MYCBP2: variants seen among roughly 807,000 people sequenced by gnomAD.
MYCBP2 encodes E3 ubiquitin-protein ligase MYCBP2.
MYCBP2 carries 120 observed loss-of-function variants against 525.3 expected under a neutral mutation model. That is an observed-to-expected ratio of 0.23 (90% CI 0.20 to 0.27). The LOEUF (loss-of-function observed/expected upper bound fraction) is 0.27. MYCBP2 is among the 10% of genes least tolerant of loss of function. The probability of loss-of-function intolerance (pLI) is 1.00; values close to 1 mark genes in which losing one functional copy is unlikely to be tolerated. For missense variants in MYCBP2, 4,149 were observed against 5,657.1 expected (o/e 0.73, Z 8.55); for synonymous variants, 1,894 against 1,955.8 (o/e 0.97, Z 0.83).
chr13:77,083,416 TA>T lies in MYCBP2; in HGVS notation c.10876-225del, dbSNP rs1219538742. Among the ~76,000 whole-genome samples, 43 of 152,274 alleles carry T rather than the reference TA, an allele frequency of 2.8e-4. 1 individual carries two copies. Among genetic ancestry groups the T allele is most frequent in the Admixed American group, 2.7e-3 (42 of 15,286 alleles). ...CAAGCAAAATCAGCATGCAAATGAA[TA>T]AATGTATCAATTCTAGTGTACTCAC... On this transcript the variant is annotated intron_variant, in intron 62 of 82. Coordinates refer to ENST00000544440, the MANE Select transcript of MYCBP2 (RefSeq NM_015057.5).
chr13:77,231,393 G>A (rs1182805449), intron 18 of MYCBP2, among the ~76,000 whole-genome samples: 6 of 152,114 alleles, frequency 3.9e-5, no homozygotes, highest in African/African-American at 1.4e-4. Context: ...ACCACACTGG[G>A]CTTATTATTG....
At chr13:77,120,098 C>T (rs982870648) in intron 55 of MYCBP2, among the ~76,000 whole-genome samples, 8 of 151,978 alleles carry the variant, frequency 5.3e-5, no homozygotes, top group African/African-American at 1.9e-4. Context: ...TGAAAGCATA[C>T]AATTTGTGTT....
At chr13:77,068,414 A>AAAAAAAAAAAAAAAAAAAAT in intron 70 of MYCBP2, 151 bp downstream of exon 70, 9 of 844,664 alleles carry the variant, frequency 1.1e-5, no homozygotes, top group Non-Finnish European at 1.4e-5. Context: ...ACAGTAAAAA[A>AAAAAAAAAAAAAAAAAAAAT]GGGAGTAAAA....
At chr13:77,305,155 C>G (rs1485124440) in intron 1 of MYCBP2, among the ~76,000 whole-genome samples, 1 of 151,914 alleles carries the variant, frequency 6.6e-6, no homozygotes, top group Non-Finnish European at 1.5e-5. Context: ...GAAACATTTC[C>G]CAACTCATAA....
At chr13:77,247,794 C>T (rs1188556677) in intron 15 of MYCBP2, among the ~76,000 whole-genome samples, 1 of 151,990 alleles carries the variant, frequency 6.6e-6, no homozygotes, top group East Asian at 1.9e-4. Flanking sequence ...GACAAAGGAG[C>T]CAAGATGGTT....
intron 47 of MYCBP2, among the ~76,000 whole-genome samples, chr13:77,148,444 T>A (rs1328423795): frequency 6.6e-6 from 1 of 152,058 alleles, no homozygotes; most frequent in Non-Finnish European, 1.5e-5. Context: ...AAATGGCCTG[T>A]TCAGTTTTTT....
intron 55 of MYCBP2, among the ~76,000 whole-genome samples, chr13:77,118,113 T>C (rs1289542134): frequency 6.6e-6 from 1 of 152,202 alleles, no homozygotes; most frequent in East Asian, 1.9e-4. Context: ...TCCCTGTATG[T>C]GATGCTTACC....
intron 26 of MYCBP2, among the ~76,000 whole-genome samples, chr13:77,199,084 G>A (rs1200374634): frequency 6.6e-6 from 1 of 152,186 alleles, no homozygotes; most frequent in African/African-American, 2.4e-5. Context: ...CTCCCAGCGT[G>A]AGCAACACAG....
In MYCBP2 at chr13:77,243,840, T is replaced by A; in HGVS notation, c.2493A>T (p.Ala831=). ...QEARQRGILD[A]VKEMIPLDLL... is the part of the protein sequence containing the mutation. Reference sequence around the variant, plus strand: ...GATCTAAAGGTATCATTTCTTTCACTGCATCAAGAATTCCTCTTTGTCTTG... The same window carrying A: ...GATCTAAAGGTATCATTTCTTTCACAGCATCAAGAATTCCTCTTTGTCTTG... The change falls in exon 16 of 83, where the codon GCA becomes GCT. Residue 831 remains alanine (A), a synonymous_variant. Transcript: ENST00000544440. 1 of 1,613,848 alleles carries A rather than the reference T, an allele frequency of 6.2e-7. No individual in the cohort carries two copies. Among genetic ancestry groups the A allele is most frequent in the Non-Finnish European group, 8.5e-7 (1 of 1,179,936 alleles).
intron 21 of MYCBP2, among the ~76,000 whole-genome samples, chr13:77,216,120 T>A: frequency 6.6e-6 from 1 of 152,018 alleles, no homozygotes; most frequent in East Asian, 1.9e-4. Flanking sequence ...CTCCAAAAAA[T>A]GAAGGGGCAT....
chr13:77,114,632 C>T (rs1301129762), intron 55 of MYCBP2, among the ~76,000 whole-genome samples: 7 of 152,012 alleles, frequency 4.6e-5, no homozygotes, highest in Admixed American at 4.6e-4. Context: ...AATAGAAAAA[C>T]TCTTGTTGCA....
At chr13:77,317,339 T>C (rs936152988) in intron 1 of MYCBP2, among the ~76,000 whole-genome samples, 2 of 152,180 alleles carry the variant, frequency 1.3e-5, no homozygotes, top group African/African-American at 4.8e-5. Flanking sequence ...GCGCCCTCTG[T>C]TGGAAATGTT....
At chr13:77,160,779 G>A (rs1002304036) in intron 44 of MYCBP2, among the ~76,000 whole-genome samples, 3 of 152,110 alleles carry the variant, frequency 2.0e-5, no homozygotes, top group African/African-American at 7.2e-5. Flanking sequence ...TGGGCCCAAA[G>A]TTCTCTGATC....
At chr13:77,068,390 T>C (rs1189664193) in intron 70 of MYCBP2, among the ~76,000 whole-genome samples, 175 bp downstream of exon 70, 2 of 127,540 alleles carry the variant, frequency 1.6e-5, no homozygotes, top group Admixed American at 7.4e-5. Flanking sequence ...TACTATTCTA[T>C]ACTCTCACTA....
intron 1 of MYCBP2, among the ~76,000 whole-genome samples, chr13:77,297,627 A>G (rs1334387155): frequency 6.6e-6 from 1 of 152,198 alleles, no homozygotes; most frequent in African/African-American, 2.4e-5. Context: ...TCTTAAAAAT[A>G]GAGAAGTTAG....
chr13:77,264,481 C>G (rs1170781221), intron 8 of MYCBP2, among the ~76,000 whole-genome samples: 3 of 152,076 alleles, frequency 2.0e-5, no homozygotes, highest in Non-Finnish European at 4.4e-5. Context: ...TATTCAAAAC[C>G]AGTTGTACAT....
intron 3 of MYCBP2, 38 bp downstream of exon 3, chr13:77,288,123 G>T (rs1348112383): frequency 1.9e-6 from 3 of 1,595,980 alleles, no homozygotes; most frequent in Non-Finnish European, 2.6e-6. Context: ...ACACCTGCAG[G>T]TTACACATCT....
chr13:77,091,186 C>T (rs959810), intron 59 of MYCBP2, among the ~76,000 whole-genome samples: 1 of 152,170 alleles, frequency 6.6e-6, no homozygotes, highest in South Asian at 2.1e-4. Flanking sequence ...CACCACTTCT[C>T]TAAGCTTATG....
At position 77,044,789 on chromosome 13, in the gene MYCBP2, G is replaced by C; in HGVS notation, c.*589C>G. ...AAATTTCAGGCTCAAACTTAACCTA[G>C]AAGTTTAAATGAAATTGCATTTGTA... is the stretch of plus-strand genomic sequence containing the variant. On this transcript the variant is annotated 3_prime_UTR_variant, in exon 83 of 83. Transcript: ENST00000544440. 2.5e-6 allele frequency: 1 copy of C among 398,724 alleles called. No homozygotes were observed. 24.7% of individuals were successfully genotyped at this position (398,724 alleles called of 1,614,324 possible). A position where few individuals can be genotyped will look rare whatever the true frequency, so the allele number is the denominator to read the frequency against.
Sources: gnomAD v4.1 joint callset for allele counts (sites outside exome capture counted in the v4.1 genomes callset) on GRCh38, gnomAD v4.1.1 for gene constraint, MANE v1.5 for transcripts, NCBI Gene and HGNC (gene_info 2026-07-23, HGNC 2026-07-21) for gene names.